Variants in ABCD2 observed in about 807,000 individuals in gnomAD.
The protein encoded by ABCD2 is ATP binding cassette subfamily D member 2.
ABCD2 carries 36 observed loss-of-function variants against 70.9 expected under a neutral mutation model. The observed-to-expected ratio is 0.51, with a 90% CI of 0.39 to 0.67. ABCD2 has a LOEUF of 0.67. Ranked by LOEUF, ABCD2 falls within the 30% of genes least tolerant of loss-of-function variation. The pLI is 0.00. For synonymous variants in ABCD2, 304 were observed against 306.9 expected (o/e 0.99, Z 0.10); for missense variants, 729 against 890.2 (o/e 0.82, Z 2.30).
intron 8 of ABCD2, among the ~76,000 whole-genome samples, chr12:39,575,355 G>A (rs765111466): frequency 5.3e-5 from 8 of 152,130 alleles, no homozygotes; most frequent in Non-Finnish European, 1.2e-4. Flanking sequence ...GGGCTGGTGT[G>A]TGTCTGTGTG....
chr12:39,594,647 T>C (rs1045879370), intron 6 of ABCD2, among the ~76,000 whole-genome samples: 1 of 152,230 alleles, frequency 6.6e-6, no homozygotes, highest in Non-Finnish European at 1.5e-5. Flanking sequence ...TGAGATTTCA[T>C]GTCTTAAGCT....
intron 8 of ABCD2, 151 bp downstream of exon 8, chr12:39,579,384 C>A: frequency 1.8e-6 from 1 of 548,426 alleles, no homozygotes. Flanking sequence ...ACAAAAAAAC[C>A]AACTGTGAAC....
At chr12:39,587,298 A>G (rs1566562363) in intron 6 of ABCD2, among the ~76,000 whole-genome samples, 1 of 152,198 alleles carries the variant, frequency 6.6e-6, no homozygotes, top group Non-Finnish European at 1.5e-5. Flanking sequence ...GAAAAGCAAA[A>G]TGCAAAAGTA....
chr12:39,540,246 C>A, the ABCD2 span, among the ~76,000 whole-genome samples: 6 of 152,206 alleles, frequency 3.9e-5, no homozygotes, highest in Non-Finnish European at 5.9e-5. Context: ...CTGATTAATT[C>A]ATTCATTCTG....
intron 8 of ABCD2, among the ~76,000 whole-genome samples, chr12:39,578,989 C>T (rs1196029573): frequency 6.6e-6 from 1 of 151,894 alleles, no homozygotes; most frequent in Non-Finnish European, 1.5e-5. Context: ...TAATTTAGTC[C>T]TTTGTACACA....
intron 9 of ABCD2, among the ~76,000 whole-genome samples, chr12:39,557,517 G>A (rs568862823): frequency 7.2e-5 from 11 of 152,358 alleles, no homozygotes; most frequent in African/African-American, 2.2e-4. Context: ...GCCAGCTGCA[G>A]AAATTTGCAT....
chr12:39,542,963 A>G, the ABCD2 span, among the ~76,000 whole-genome samples: 1 of 152,166 alleles, frequency 6.6e-6, no homozygotes, highest in Non-Finnish European at 1.5e-5. Context: ...TGGTGCTGAC[A>G]AATCTTTTGA....
At chr12:39,570,289 G>A (rs1001371611) in intron 9 of ABCD2, among the ~76,000 whole-genome samples, 1 of 152,154 alleles carries the variant, frequency 6.6e-6, no homozygotes, top group Admixed American at 6.5e-5. Context: ...AAATTCTTGA[G>A]CATAAAGTAC....
intron 6 of ABCD2, among the ~76,000 whole-genome samples, chr12:39,589,785 G>A (rs1402866017): frequency 6.6e-6 from 1 of 151,868 alleles, no homozygotes; most frequent in Non-Finnish European, 1.5e-5. Context: ...ATGTATAAAA[G>A]TATTCATAAG....
chr12:39,616,052 T>G (rs1942110671), intron 2 of ABCD2, among the ~76,000 whole-genome samples: 1 of 152,104 alleles, frequency 6.6e-6, no homozygotes, highest in South Asian at 2.1e-4. Context: ...TATAGAGAGT[T>G]TAATCAACTC....
the ABCD2 span, among the ~76,000 whole-genome samples, chr12:39,532,548 C>T: frequency 6.6e-6 from 1 of 152,106 alleles, no homozygotes; most frequent in Non-Finnish European, 1.5e-5. Flanking sequence ...GAAGATCTGG[C>T]AATGTATATT....
intron 7 of ABCD2, 139 bp from the exon 8 acceptor site, chr12:39,579,758 A>G: frequency 1.7e-6 from 1 of 603,128 alleles, no homozygotes; most frequent in Non-Finnish European, 2.8e-6. Context: ...ATGCTTGGAT[A>G]AACTACAGAG....
At chr12:39,594,031 C>G (rs1279446739) in intron 6 of ABCD2, among the ~76,000 whole-genome samples, 1 of 152,110 alleles carries the variant, frequency 6.6e-6, no homozygotes, top group Non-Finnish European at 1.5e-5. Flanking sequence ...TTAAAATTGA[C>G]TTAATTGCCA....
At chr12:39,574,196 C>T (rs1279618605) in intron 8 of ABCD2, among the ~76,000 whole-genome samples, 1 of 152,064 alleles carries the variant, frequency 6.6e-6, no homozygotes, top group Non-Finnish European at 1.5e-5. Flanking sequence ...TGACTAACTA[C>T]ATGAAAAATA....
intron 9 of ABCD2, among the ~76,000 whole-genome samples, chr12:39,559,668 C>T (rs539758039): frequency 6.6e-6 from 1 of 152,140 alleles, no homozygotes; most frequent in South Asian, 2.1e-4. Context: ...TCTAATATGA[C>T]TGTTACCAGC....
At chr12:39,531,293 G>A in the ABCD2 span, among the ~76,000 whole-genome samples, 2 of 152,108 alleles carry the variant, frequency 1.3e-5, no homozygotes, top group Non-Finnish European at 2.9e-5. Flanking sequence ...TAAAATTGCT[G>A]CGTTAAAACC....
At chr12:39,595,134 A>G (rs1941799028) in intron 6 of ABCD2, among the ~76,000 whole-genome samples, 1 of 152,178 alleles carries the variant, frequency 6.6e-6, no homozygotes, top group Admixed American at 6.6e-5. Context: ...GACAAATTAT[A>G]AAGAATGATA....
At chr12:39,603,705 T>A (rs1164610778) in intron 5 of ABCD2, among the ~76,000 whole-genome samples, 1 of 152,066 alleles carries the variant, frequency 6.6e-6, no homozygotes, top group African/African-American at 2.4e-5. Flanking sequence ...ATTTTCAACC[T>A]GGCAATAAAG....
rs777378044 is a variant in ABCD2 at position 39,603,946 on chromosome 12, G to C, written c.1466C>G (p.Ala489Gly). Residue 489 changes from alanine to glycine, a missense_variant, in exon 5 of 10, where the codon GCA (alanine) becomes GGA (glycine). Physicochemically the swap from Ala to Gly is moderately conservative, Grantham distance 60. Transcript: ENST00000308666. ...TAGCCTGGAAGCCACCACTTCTCCT[G>C]CTGGTGTAATTATGGGAACATTTTC... is the stretch of plus-strand genomic sequence containing the variant. ...ICENVPIITP[A>G]GEVVASRLNF... The C allele has an allele frequency of 6.2e-7, 1 of 1,612,486 alleles. No homozygotes were observed. Among genetic ancestry groups the C allele is most frequent in the Non-Finnish European group, 8.5e-7 (1 of 1,179,112 alleles).
Sources: allele counts gnomAD v4.1 joint callset (sites outside exome capture counted in the v4.1 genomes callset), GRCh38; gene constraint gnomAD v4.1.1; transcripts MANE v1.5; gene names NCBI Gene and HGNC (gene_info 2026-07-23, HGNC 2026-07-21).